CCDC50: variants seen among roughly 807,000 people sequenced by gnomAD.
The protein encoded by CCDC50 is coiled-coil domain containing 50, also known as coiled-coil domain-containing protein 50.
In CCDC50, 54 loss-of-function variants were observed where a neutral mutation model predicts 70.2. The observed-to-expected ratio is 0.77, with a 90% confidence interval of 0.62 to 0.96. CCDC50 has a LOEUF of 0.96. Ranked by LOEUF, CCDC50 falls within the 50% of genes least tolerant of loss-of-function variation. The pLI, the probability that CCDC50 is intolerant of heterozygous loss-of-function variation, is 0.00. For synonymous variants in CCDC50, 216 were observed against 198.8 expected, an observed-to-expected ratio of 1.09 and a Z score of -0.73; for missense variants, 558 against 578.7, an observed-to-expected ratio of 0.96 and a Z score of 0.37.
rs1408306794 is a variant in CCDC50 at position 191,397,191 on chromosome 3, G to A, written c.*5431G>A. ...AACAAGTAAGGGAAGACAGCTAAGAGAACATACTATGACATATCATAGAAT... is the reference window on the plus strand; with the variant it reads ...AACAAGTAAGGGAAGACAGCTAAGAAAACATACTATGACATATCATAGAAT... On this transcript the variant is annotated 3_prime_UTR_variant, in exon 12 of 12. Coordinates refer to ENST00000392455, the MANE Select transcript of CCDC50 (RefSeq NM_178335.3). 6.6e-6 allele frequency: 1 copy of A among 152,138 alleles called. No individual in the cohort carries two copies. The highest frequency in any genetic ancestry group is 2.4e-5 in the African/African-American group (1 of 41,434). The allele number at this position is 152,138 out of a possible 1,614,324, so 9.4% of individuals were successfully genotyped here.
chr3:191,383,553 G>A (rs183462968), intron 10 of CCDC50, among the ~76,000 whole-genome samples: 3 of 152,024 alleles, frequency 2.0e-5, no homozygotes, highest in African/African-American at 7.2e-5. Flanking sequence ...ATTCAAATTT[G>A]AATTTTATTC....
rs1713752868 is a variant in CCDC50, at chr3:191,393,139, G to A, written c.*1379G>A. On this transcript the variant is annotated 3_prime_UTR_variant, in exon 12 of 12. Transcript: ENST00000392455. Reference sequence around the variant, plus strand: ...CCTCTTCAAGAAATTTAGTCTTTGTGTAGCTGCTAACCTTACTGCAATATT... The same window carrying A: ...CCTCTTCAAGAAATTTAGTCTTTGTATAGCTGCTAACCTTACTGCAATATT... The A allele has an allele frequency of 6.6e-6, 1 of 152,170 alleles. No homozygotes were observed. The highest frequency in any genetic ancestry group is 2.4e-5 in the African/African-American group (1 of 41,428). 9.4% of individuals were successfully genotyped at this position (152,170 alleles called of 1,614,324 possible). A position where few individuals can be genotyped will look rare whatever the true frequency, so the allele number is the denominator to read the frequency against.
At chr3:191,384,598 ATTTC>A (rs1427852632) in intron 10 of CCDC50, among the ~76,000 whole-genome samples, 3 of 152,116 alleles carry the variant, frequency 2.0e-5, no homozygotes, top group African/African-American at 4.8e-5. Context: ...TAGAAATCCA[ATTTC>A]TTTGTCTGTT....
rs1713843440 is a variant in CCDC50, at chr3:191,395,852, C to A, written c.*4092C>A. The A allele has an allele frequency of 6.6e-6, 1 of 152,058 alleles. No homozygotes were observed. The highest frequency in any genetic ancestry group is 2.1e-4 in the South Asian group (1 of 4,820). The allele number at this position is 152,058 out of a possible 1,614,324, so 9.4% of individuals were successfully genotyped here. On this transcript the variant is annotated 3_prime_UTR_variant, in exon 12 of 12. Coordinates refer to ENST00000392455, the MANE Select transcript of CCDC50 (RefSeq NM_178335.3). ...TCCAATTTTCTCATTTCTGGTGGTG[C>A]CTGTGAGTCTTAAAGCCATATCTGC...
chr3:191,369,221 A>G (rs987897129), intron 4 of CCDC50, among the ~76,000 whole-genome samples: 3 of 152,096 alleles, frequency 2.0e-5, no homozygotes, highest in Admixed American at 2.0e-4. Flanking sequence ...CAAAAATAGT[A>G]TTCCCTCTTT....
chr3:191,385,564 G>C (rs1320397594), intron 10 of CCDC50, among the ~76,000 whole-genome samples: 1 of 152,100 alleles, frequency 6.6e-6, no homozygotes, highest in African/African-American at 2.4e-5. Flanking sequence ...TTTGTTGGAT[G>C]CATAATTTGC....
At chr3:191,390,341 C>T (rs1163788007) in intron 11 of CCDC50, among the ~76,000 whole-genome samples, 6 of 61,272 alleles carry the variant, frequency 9.8e-5, no homozygotes, top group Non-Finnish European at 1.9e-4. Context: ...ATAGGGATAC[C>T]TCAATTGGAC....
chr3:191,341,408 G>A (rs547649321), intron 1 of CCDC50, among the ~76,000 whole-genome samples: 1 of 152,062 alleles, frequency 6.6e-6, no homozygotes, highest in Non-Finnish European at 1.5e-5. Flanking sequence ...TTAAGTACTT[G>A]CCCAAGGTCT....
At chr3:191,358,657 C>A (rs568638180) in intron 3 of CCDC50, among the ~76,000 whole-genome samples, 1 of 152,284 alleles carries the variant, frequency 6.6e-6, no homozygotes, top group African/African-American at 2.4e-5. Flanking sequence ...CTCTAGTAGC[C>A]TCCTTTAACA....
At position 191,329,947 on chromosome 3, in the gene CCDC50, G is replaced by T. The variant is rs796994464; in HGVS notation, c.49+224G>T. On this transcript the variant is annotated intron_variant, in intron 1 of 11. Transcript: ENST00000392455. ...TTTTTTCTCAAGGGGGTGGTTGGGG[G>T]GGGGGGGGGCTAGCAGCAGCCCCAG... 2.2e-4 allele frequency among the ~76,000 whole-genome samples: 32 copies of T among 142,684 alleles called. 1 individual carries two copies. The highest frequency in any genetic ancestry group is 4.8e-4 in the African/African-American group (19 of 39,258). The allele number at this position is 142,684 out of a possible 152,430, so 93.6% of individuals were successfully genotyped here. A position where few individuals can be genotyped will look rare whatever the true frequency, so the allele number is the denominator to read the frequency against.
In CCDC50 at chr3:191,375,132, T is replaced by TGG. The variant is rs761071030; in HGVS notation, c.520_521dup (p.Lys175GlufsTer4). The TGG allele has an allele frequency of 3.0e-5, 49 of 1,613,436 alleles. No homozygotes were observed. The highest frequency in any genetic ancestry group is 4.0e-5 in the Non-Finnish European group (47 of 1,179,728). On this transcript the variant is annotated frameshift_variant, in exon 6 of 12. Transcript: ENST00000392455. LOFTEE classifies it high-confidence loss of function. ...CAAGACCTTGTAGACTCCAAAGAGA[T>TGG]GGAAAGACTGTGAAGCACAAGAAAG...
rs1287221967 is a variant in CCDC50, at chr3:191,329,622, C to G, written c.-53C>G. ...CTGCGCTCGGGGCCCCGCTCGGCGC[C>G]GGCGGTGACCGGGAAGCCCGCGTTA... On this transcript the variant is annotated 5_prime_UTR_variant, in exon 1 of 12. Coordinates refer to ENST00000392455, the MANE Select transcript of CCDC50 (RefSeq NM_178335.3). 6.3e-7 allele frequency: 1 copy of G among 1,575,940 alleles called. No individual in the cohort carries two copies. The highest frequency in any genetic ancestry group is 1.8e-5 in the Admixed American group (1 of 54,448).
rs939907834 is a variant in CCDC50, at chr3:191,361,100, A to G, written c.271A>G (p.Ile91Val). The change falls in exon 4 of 12, where the codon ATT becomes GTT. Residue 91 changes from isoleucine (I) to valine (V), a missense_variant. By Grantham distance (29) the Ile-to-Val change is conservative (BLOSUM62 3). Coordinates refer to ENST00000392455, the MANE Select transcript of CCDC50 (RefSeq NM_178335.3). ...ACAAGACTGTGAAATTGCTCAGGAA[A>G]TTCAGGAGAAGCTGGCTATTGAGGC... ...EQQDCEIAQE[I>V]QEKLAIEAER... is the part of the protein sequence containing the mutation. 2 of 1,613,836 alleles carry G rather than the reference A, an allele frequency of 1.2e-6. No homozygotes were observed. The highest frequency in any genetic ancestry group is 1.7e-6 in the Non-Finnish European group (2 of 1,179,792).
rs1458931327 is a variant in CCDC50, at chr3:191,396,602, T to C, written c.*4842T>C. The C allele has an allele frequency of 1.3e-5, 2 of 152,132 alleles. No individual in the cohort carries two copies. Among genetic ancestry groups the C allele is most frequent in the African/African-American group, 2.4e-5 (1 of 41,430 alleles). 9.4% of individuals were successfully genotyped at this position (152,132 alleles called of 1,614,324 possible). A position where few individuals can be genotyped will look rare whatever the true frequency, so the allele number is the denominator to read the frequency against. On this transcript the variant is annotated 3_prime_UTR_variant, in exon 12 of 12. Transcript: ENST00000392455. ...GCAGTGAAGACATTCAGATTATTTG[T>C]AAGAATTTCACCAACACCCTTGTGT...
intron 6 of CCDC50, among the ~76,000 whole-genome samples, chr3:191,378,072 T>G (rs879358743): frequency 1.3e-5 from 2 of 152,158 alleles, no homozygotes; most frequent in Non-Finnish European, 2.9e-5. Flanking sequence ...CAGAGGACAC[T>G]GCAGAGAATG....
chr3:191,379,726 G>A (rs1713243678), intron 6 of CCDC50, among the ~76,000 whole-genome samples: 1 of 152,106 alleles, frequency 6.6e-6, no homozygotes, highest in African/African-American at 2.4e-5. Flanking sequence ...TATGCAGGCT[G>A]AGATAAATAG....
chr3:191,388,829 A>C (rs1713586143), intron 10 of CCDC50, among the ~76,000 whole-genome samples: 1 of 152,186 alleles, frequency 6.6e-6, no homozygotes, highest in Non-Finnish European at 1.5e-5. Flanking sequence ...TTGGGAGATA[A>C]AGAATGAGAG....
rs1713054365 is a variant in CCDC50, at chr3:191,375,210, A to G, written c.597A>G (p.Ser199=). 1.2e-6 allele frequency: 2 copies of G among 1,613,860 alleles called. No individual in the cohort carries two copies. Among genetic ancestry groups the G allele is most frequent in the Middle Eastern group, 3.3e-4 (2 of 6,058 alleles). Reference sequence around the variant, plus strand: ...TGGAAGAGCCAGAACAACATTGTTCATCGAAGAGATCCCTGTCATCCTCTA... The same window carrying G: ...TGGAAGAGCCAGAACAACATTGTTCGTCGAAGAGATCCCTGTCATCCTCTA... ...ENLEEPEQHC[S]SKRSLSSSSS... Residue 199 remains serine, a synonymous_variant, in exon 6 of 12, where the codon TCA becomes TCG. Transcript: ENST00000392455.
chr3:191,329,774 A>AGG, intron 1 of CCDC50, 51 bp downstream of exon 1: 2 of 1,572,460 alleles, frequency 1.3e-6, no homozygotes, highest in Non-Finnish European at 1.7e-6. Flanking sequence ...TCCCAGCCCG[A>AGG]GGTTCTCTCA....
Sources: allele counts gnomAD v4.1 joint callset (sites outside exome capture counted in the v4.1 genomes callset), GRCh38; gene constraint gnomAD v4.1.1; transcripts MANE v1.5; gene names NCBI Gene and HGNC (gene_info 2026-07-23, HGNC 2026-07-21).